The following ZZZ3 variants were observed in gnomAD, a reference collection of about 807,000 sequenced individuals.
The protein encoded by ZZZ3 is ZZ-type zinc finger-containing protein 3.
A neutral mutation model predicts 95.2 loss-of-function variants in ZZZ3; 22 were observed. That is an observed-to-expected ratio of 0.23 (90% CI 0.17 to 0.33). ZZZ3 has a LOEUF of 0.33. ZZZ3 is among the 10% of genes least tolerant of loss of function. The probability of loss-of-function intolerance (pLI) is 1.00; values close to 1 mark genes in which losing one functional copy is unlikely to be tolerated. For missense variants in ZZZ3, 885 were observed against 1,066.5 expected, an observed-to-expected ratio of 0.83 and a Z score of 2.37; for synonymous variants, 335 against 358.9, an observed-to-expected ratio of 0.93 and a Z score of 0.75.
intron 1 of ZZZ3, chr1:77,645,499 AC>A (rs1669179180): frequency 6.6e-6 from 1 of 152,664 alleles, no homozygotes; most frequent in Non-Finnish European, 1.5e-5. Flanking sequence ...TCGCCTAAGG[AC>A]GGCAGAATGG....
chr1:77,616,043 C>A (rs1489560196), intron 5 of ZZZ3, among the ~76,000 whole-genome samples: 1 of 152,170 alleles, frequency 6.6e-6, no homozygotes, highest in Middle Eastern at 3.4e-3. Context: ...ACATTATACA[C>A]TGAGTTATTT....
chr1:77,649,603 C>G (rs1175042562), intron 1 of ZZZ3, among the ~76,000 whole-genome samples: 3 of 152,050 alleles, frequency 2.0e-5, no homozygotes, highest in Non-Finnish European at 4.4e-5. Context: ...CTTTTCCTGG[C>G]CGGGCATGGT....
intron 12 of ZZZ3, among the ~76,000 whole-genome samples, chr1:77,571,533 G>A (rs1044740172): frequency 2.0e-5 from 3 of 152,144 alleles, no homozygotes; most frequent in Non-Finnish European, 4.4e-5. Context: ...AGCAACCCAA[G>A]TATCCATCAA....
intron 1 of ZZZ3, among the ~76,000 whole-genome samples, chr1:77,651,579 A>G (rs138040061): frequency 1.3e-5 from 2 of 152,316 alleles, no homozygotes; most frequent in East Asian, 3.9e-4. Flanking sequence ...CCAGGGACTA[A>G]GGGAGGGGGA....
rs1660693146 is a variant in ZZZ3 at position 77,564,913 on chromosome 1, C to T, written c.*727G>A. On this transcript the variant is annotated 3_prime_UTR_variant, in exon 15 of 15. Coordinates refer to ENST00000370801, the MANE Select transcript of ZZZ3 (RefSeq NM_015534.6). ...CAGTTACTACCACTGGCACTTTTCA[C>T]CATAGTTTGTACACATCACATGATC... The T allele has an allele frequency of 6.6e-6, 1 of 152,552 alleles. No homozygotes were observed. Among genetic ancestry groups the T allele is most frequent in the African/African-American group, 2.4e-5 (1 of 41,428 alleles). 9.4% of individuals were successfully genotyped at this position (152,552 alleles called of 1,614,324 possible). A position where few individuals can be genotyped will look rare whatever the true frequency, so the allele number is the denominator to read the frequency against.
chr1:77,590,314 T>C (rs746366331), intron 5 of ZZZ3, among the ~76,000 whole-genome samples: 2 of 152,132 alleles, frequency 1.3e-5, no homozygotes, highest in East Asian at 3.9e-4. Flanking sequence ...GTAGAGGTTG[T>C]TGTGAGCTGA....
Position 77,633,383 on chromosome 1 carries a change from T to C in ZZZ3, c.-29A>G. The C allele has an allele frequency of 1.9e-6, 3 of 1,545,976 alleles. No homozygotes were observed. Among genetic ancestry groups the C allele is most frequent in the Non-Finnish European group, 2.6e-6 (3 of 1,150,170 alleles). ...ATGGCAAGTCCCTACAATACGGTCA[T>C]CATGATCCACTCATTGGGAAACCTT... On this transcript the variant is annotated 5_prime_UTR_variant, in exon 5 of 15. An upstream start codon of the reference 5' UTR is lost. Coordinates refer to ENST00000370801, the MANE Select transcript of ZZZ3 (RefSeq NM_015534.6).
intron 5 of ZZZ3, among the ~76,000 whole-genome samples, chr1:77,589,226 T>A (rs1663412741): frequency 6.6e-6 from 1 of 152,280 alleles, no homozygotes; most frequent in South Asian, 2.1e-4. Flanking sequence ...TTTAGCTTTA[T>A]ATATTTGGCC....
Position 77,632,191 on chromosome 1 carries a change from G to A in ZZZ3, c.1164C>T (p.Thr388=). 6.2e-7 allele frequency: 1 copy of A among 1,614,006 alleles called. No homozygotes were observed. ...LRTSPRRAAP[T]RGSPTKNSSP... is the part of the protein sequence containing the mutation. ...AACTGTTTTTAGTGGGACTACCTCT[G>A]GTAGGGGCTGCCCTTCGTGGTGAGG... The change falls in exon 5 of 15, where the codon ACC becomes ACT. Residue 388 remains threonine, a synonymous_variant. Coordinates refer to ENST00000370801, the MANE Select transcript of ZZZ3 (RefSeq NM_015534.6).
chr1:77,666,761 T>A (rs2101037532), intron 1 of ZZZ3, among the ~76,000 whole-genome samples: 1 of 152,270 alleles, frequency 6.6e-6, no homozygotes, highest in Non-Finnish European at 1.5e-5. Context: ...TCAGGTATGA[T>A]CATTACTATT....
chr1:77,672,146 G>C (rs942297450), intron 1 of ZZZ3, among the ~76,000 whole-genome samples: 15 of 152,180 alleles, frequency 9.9e-5, no homozygotes, highest in African/African-American at 3.6e-4. Context: ...GTGCAGTAGA[G>C]ACTACTGTAA....
At chr1:77,577,593 C>T (rs748658246) in intron 11 of ZZZ3, among the ~76,000 whole-genome samples, 68 of 151,958 alleles carry the variant, frequency 4.5e-4, no homozygotes, top group African/African-American at 1.6e-3. Context: ...CATGAAATAG[C>T]TTCAGTATGG....
At chr1:77,634,321 C>T (rs937275765) in intron 4 of ZZZ3, among the ~76,000 whole-genome samples, 1 of 152,110 alleles carries the variant, frequency 6.6e-6, no homozygotes, top group African/African-American at 2.4e-5. Context: ...TTTTAATTTA[C>T]TTTTGCTAAA....
intron 1 of ZZZ3, among the ~76,000 whole-genome samples, chr1:77,660,421 TTC>T (rs1161146031): frequency 1.3e-5 from 2 of 152,130 alleles, no homozygotes; most frequent in African/African-American, 4.8e-5. Flanking sequence ...CCTTTCTACT[TTC>T]TGTTTCTATG....
chr1:77,641,935 T>G (rs1359765826), intron 1 of ZZZ3, among the ~76,000 whole-genome samples: 1 of 152,190 alleles, frequency 6.6e-6, no homozygotes, highest in Non-Finnish European at 1.5e-5. Context: ...TCAGGTTCCT[T>G]TTCTTACCAC....
At chr1:77,638,210 A>C (rs1668464176) in intron 4 of ZZZ3, among the ~76,000 whole-genome samples, 1 of 152,160 alleles carries the variant, frequency 6.6e-6, no homozygotes, top group African/African-American at 2.4e-5. Context: ...AGGACTAGTC[A>C]ACCGAATTTC....
chr1:77,662,055 G>A (rs1331139223), intron 1 of ZZZ3, among the ~76,000 whole-genome samples: 2 of 148,508 alleles, frequency 1.3e-5, no homozygotes, highest in African/African-American at 5.0e-5. Context: ...TTGCTCTGTC[G>A]CCCAGGCTGG....
intron 1 of ZZZ3, among the ~76,000 whole-genome samples, chr1:77,674,534 C>A (rs1672082965): frequency 6.6e-6 from 1 of 152,078 alleles, no homozygotes; most frequent in African/African-American, 2.4e-5. Context: ...ACGATTACAC[C>A]AGTGTGCTCA....
chr1:77,639,395 G>T, intron 4 of ZZZ3, 54 bp downstream of exon 4: 5 of 1,251,896 alleles, frequency 4.0e-6, no homozygotes, highest in South Asian at 1.8e-5. Context: ...AAAAAAAAAA[G>T]AAGAAGAAGT....
Sources: allele counts gnomAD v4.1 joint callset (sites outside exome capture counted in the v4.1 genomes callset), GRCh38; gene constraint gnomAD v4.1.1; transcripts MANE v1.5; gene names NCBI Gene and HGNC (gene_info 2026-07-23, HGNC 2026-07-21).